Variants in TMEM222 observed in about 807,000 individuals in gnomAD.
The protein encoded by TMEM222 is chromosome 1 open reading frame 160.
In TMEM222, 18 loss-of-function variants were observed where a neutral mutation model predicts 25.1. That is an observed-to-expected ratio of 0.72 (90% CI 0.50 to 1.06). The LOEUF (loss-of-function observed/expected upper bound fraction) is 1.06. Ranked by LOEUF, TMEM222 falls within the 50% of genes least tolerant of loss-of-function variation. TMEM222 has a pLI of 0.00. For synonymous variants in TMEM222, 131 were observed against 117.9 expected (o/e 1.11, Z -0.72); for missense variants, 296 against 293.7 (o/e 1.01, Z -0.06).
chr1:27,332,651 T>A (rs1308791819), intron 3 of TMEM222: 1 of 645,562 alleles, frequency 1.5e-6, no homozygotes, highest in East Asian at 2.7e-5. Flanking sequence ...TGAGAGTGCC[T>A]CAGTCATCAG....
intron 5 of TMEM222, chr1:27,335,044 G>A (rs2014571490): frequency 2.7e-6 from 1 of 369,620 alleles, no homozygotes; most frequent in Non-Finnish European, 5.1e-6. Flanking sequence ...TGCAATTCCT[G>A]GTCCTCTTGC....
chr1:27,335,563 G>T lies in TMEM222; in HGVS notation c.*97G>T, dbSNP rs2014585775. ...TTTTCTCCTCACCCCAAAAGGCAGGGTTGGGCCTGCTGTTGTGGACCGGGG... is the reference window on the plus strand; with the variant it reads ...TTTTCTCCTCACCCCAAAAGGCAGGTTTGGGCCTGCTGTTGTGGACCGGGG... On this transcript the variant is annotated 3_prime_UTR_variant, in exon 6 of 6. Transcript: ENST00000374076. 14 of 1,247,282 alleles carry T rather than the reference G, an allele frequency of 1.1e-5. No individual in the cohort carries two copies. In the East Asian group the frequency reaches 3.3e-4, roughly 30 times the overall value. The allele number at this position is 1,247,282 out of a possible 1,614,324, so 77.3% of individuals were successfully genotyped here.
chr1:27,334,118 G>A (rs757959630), intron 4 of TMEM222, 33 bp from the exon 5 acceptor site: 4 of 1,614,042 alleles, frequency 2.5e-6, no homozygotes, highest in Admixed American at 1.7e-5. Context: ...CTCCCCTGCA[G>A]CCCATCCTGA....
At chr1:27,332,560 T>C in intron 3 of TMEM222, 1 of 716,460 alleles carries the variant, frequency 1.4e-6, no homozygotes, top group South Asian at 1.5e-5. Flanking sequence ...TTCAACCTTC[T>C]GGGAGCTATT....
intron 2 of TMEM222, chr1:27,331,074 A>G: frequency 7.4e-7 from 1 of 1,358,260 alleles, no homozygotes; most frequent in Admixed American, 3.3e-5. Flanking sequence ...AGACATGGGT[A>G]GGGATTAGAG....
At chr1:27,333,614 T>C (rs1423952479) in intron 3 of TMEM222, 1 of 401,152 alleles carries the variant, frequency 2.5e-6, no homozygotes, top group Non-Finnish European at 4.9e-6. Flanking sequence ...ACGGATCCCA[T>C]TCATGAGAGC....
At chr1:27,330,833 G>T (rs765720312) in intron 2 of TMEM222, 29 bp downstream of exon 2, 2 of 1,611,970 alleles carry the variant, frequency 1.2e-6, no homozygotes, top group South Asian at 1.1e-5. Context: ...CACCCGGGGG[G>T]TTCCAAGGTT....
In TMEM222 at chr1:27,335,357, C is replaced by G. The variant is rs766981285; in HGVS notation, c.540-22C>G. On this transcript the variant is annotated intron_variant, in intron 5 of 5. Transcript: ENST00000374076. ...GCTCACCAGGCCCTGCCCACCTATG[C>G]TCGCTCCTTTCTCTCTGTCAGCGTT... 4 of 1,613,188 alleles carry G rather than the reference C, an allele frequency of 2.5e-6. 1 individual carries two copies. The South Asian group carries it at 4.4e-5, about 18-fold the overall frequency.
intron 3 of TMEM222, chr1:27,333,442 T>C (rs769556168): frequency 1.5e-5 from 7 of 470,310 alleles, no homozygotes; most frequent in Non-Finnish European, 3.1e-5. Context: ...TTGGGTATCT[T>C]AGAAACAACA....
chr1:27,336,385 AAG>A lies in TMEM222; in HGVS notation c.*922_*923del, dbSNP rs1420917169. ...GAAGGGCTCCCTGGGCAGGACAATAAAGAGTTTTGACTCCAGTTGGTGCCCTG... is the reference window on the plus strand; with the variant it reads ...GAAGGGCTCCCTGGGCAGGACAATAAAGTTTTGACTCCAGTTGGTGCCCTG... On this transcript the variant is annotated 3_prime_UTR_variant, in exon 6 of 6. Transcript: ENST00000374076. 1 of 152,220 alleles carries A rather than the reference AAG, an allele frequency of 6.6e-6. No individual in the cohort carries two copies. Among genetic ancestry groups the A allele is most frequent in the East Asian group, 1.9e-4 (1 of 5,192 alleles). 9.4% of individuals were successfully genotyped at this position (152,220 alleles called of 1,614,324 possible). A position where few individuals can be genotyped will look rare whatever the true frequency, so the allele number is the denominator to read the frequency against.
intron 1 of TMEM222, among the ~76,000 whole-genome samples, chr1:27,326,435 G>T (rs775360875): frequency 1.3e-5 from 2 of 151,994 alleles, no homozygotes; most frequent in Non-Finnish European, 2.9e-5. Context: ...AAGGAGATGA[G>T]AACAGATTTT....
chr1:27,334,667 G>A, intron 5 of TMEM222: 2 of 1,415,376 alleles, frequency 1.4e-6, no homozygotes, highest in Admixed American at 2.3e-5. Context: ...TGCCCCACAG[G>A]TCCCTTCCTA....
intron 3 of TMEM222, chr1:27,332,305 G>A (rs1057076565): frequency 5.7e-6 from 4 of 705,384 alleles, no homozygotes; most frequent in Admixed American, 4.1e-5. Context: ...GCCTTTACCT[G>A]TAGACCATCT....
intron 1 of TMEM222, chr1:27,325,858 C>T (rs754345680): frequency 2.1e-5 from 16 of 774,458 alleles, no homozygotes; most frequent in Middle Eastern, 3.6e-4. Flanking sequence ...ATAAATTGGC[C>T]CTGGCAAATG....
intron 3 of TMEM222, 23 bp downstream of exon 3, chr1:27,332,124 A>T: frequency 6.2e-7 from 1 of 1,614,230 alleles, no homozygotes; most frequent in Non-Finnish European, 8.5e-7. Context: ...CACCCATGTG[A>T]CTGGCTCTAG....
chr1:27,333,077 C>G, intron 3 of TMEM222: 1 of 335,788 alleles, frequency 3.0e-6, no homozygotes, highest in Non-Finnish European at 5.9e-6. Flanking sequence ...ATCAGCTTCC[C>G]TGCCACTCAC....
chr1:27,325,502 G>A (rs770724064), intron 1 of TMEM222: 119 of 1,465,210 alleles, frequency 8.1e-5, no homozygotes, highest in Middle Eastern at 3.5e-4. Context: ...ACGAGACCAC[G>A]TTCAACTCCA....
intron 2 of TMEM222, chr1:27,331,147 A>G: frequency 8.6e-7 from 1 of 1,156,220 alleles, no homozygotes; most frequent in Non-Finnish European, 1.1e-6. Flanking sequence ...GGTGGGAGTC[A>G]AGGTGGGGGG....
Position 27,322,164 on chromosome 1 carries a change from G to A in TMEM222, c.-34G>A, listed in dbSNP as rs766349920. 2 of 1,358,744 alleles carry A rather than the reference G, an allele frequency of 1.5e-6. No homozygotes were observed. The highest frequency in any genetic ancestry group is 1.9e-6 in the Non-Finnish European group (2 of 1,044,468). 84.2% of individuals were successfully genotyped at this position (1,358,744 alleles called of 1,614,324 possible). On this transcript the variant is annotated 5_prime_UTR_variant, in exon 1 of 6. Transcript: ENST00000374076. ...GACGCCATGGGGACGAGCGGCACCA[G>A]AGCCGGGGCCAGTCGGAGCGGGGCG... is the stretch of plus-strand genomic sequence containing the variant.
Sources: gnomAD v4.1 joint callset for allele counts (sites outside exome capture counted in the v4.1 genomes callset) on GRCh38, gnomAD v4.1.1 for gene constraint, MANE v1.5 for transcripts, NCBI Gene and HGNC (gene_info 2026-07-23, HGNC 2026-07-21) for gene names.